The following PICALM variants were observed in gnomAD, a reference collection of about 807,000 sequenced individuals.
The protein encoded by PICALM is phosphatidylinositol binding clathrin assembly protein, also known as phosphatidylinositol-binding clathrin assembly protein.
In PICALM, 40 loss-of-function variants were observed where a neutral mutation model predicts 80.5. The ratio of observed to expected loss-of-function variants is 0.50; its 90% CI spans 0.39 to 0.65. The LOEUF (loss-of-function observed/expected upper bound fraction) is 0.65. Among genes scored for constraint, PICALM ranks in the 30% least tolerant of loss-of-function variants. The probability of loss-of-function intolerance (pLI) is 0.00; values close to 1 mark genes in which losing one functional copy is unlikely to be tolerated. For synonymous variants in PICALM, 288 were observed against 260.3 expected (o/e 1.11, Z -1.02); for missense variants, 676 against 778.9 (o/e 0.87, Z 1.57).
intron 4 of PICALM, among the ~76,000 whole-genome samples, chr11:86,021,590 C>T (rs980328184): frequency 2.7e-5 from 4 of 150,700 alleles, no homozygotes; most frequent in East Asian, 1.9e-4. Flanking sequence ...CTGGTGGGAA[C>T]GTAAAGTGAT....
chr11:85,988,139 C>T (rs542547661), intron 13 of PICALM, among the ~76,000 whole-genome samples: 31 of 152,336 alleles, frequency 2.0e-4, no homozygotes, highest in African/African-American at 6.5e-4. Context: ...AAAATATCAG[C>T]TGGACTTTTG....
chr11:86,011,193 A>AG, intron 6 of PICALM, 57 bp from the exon 7 acceptor site: 1 of 734,190 alleles, frequency 1.4e-6, no homozygotes, highest in Non-Finnish European at 2.3e-6. Context: ...CACCCAAAAA[A>AG]GGAAAAAAAA....
chr11:86,049,160 G>A (rs1438083954), intron 1 of PICALM, among the ~76,000 whole-genome samples: 1 of 152,050 alleles, frequency 6.6e-6, no homozygotes, highest in African/African-American at 2.4e-5. Context: ...AGGCACGGTG[G>A]GTGCACACCT....
At chr11:86,057,929 A>C (rs911775688) in intron 1 of PICALM, among the ~76,000 whole-genome samples, 1 of 152,156 alleles carries the variant, frequency 6.6e-6, no homozygotes, top group Non-Finnish European at 1.5e-5. Flanking sequence ...TAGATACTGA[A>C]GGACAACCGC....
intron 7 of PICALM, among the ~76,000 whole-genome samples, chr11:86,010,333 T>C (rs2095370298): frequency 6.6e-6 from 1 of 151,810 alleles, no homozygotes; most frequent in Admixed American, 6.6e-5. Context: ...CAAAAGCTTT[T>C]TTTTTTTTTT....
At chr11:85,961,026 C>A (rs2093670080) in intron 19 of PICALM, among the ~76,000 whole-genome samples, 1 of 124,662 alleles carries the variant, frequency 8.0e-6, no homozygotes, top group South Asian at 2.6e-4. Flanking sequence ...GGAATAATGT[C>A]TTTTACCCAA....
At chr11:86,061,896 G>T (rs539372587) in intron 1 of PICALM, among the ~76,000 whole-genome samples, 1 of 151,824 alleles carries the variant, frequency 6.6e-6, no homozygotes, top group African/African-American at 2.4e-5. Context: ...ATAAACCCGG[G>T]TATATCCAGA....
At chr11:85,986,793 C>T (rs1034790647) in intron 13 of PICALM, among the ~76,000 whole-genome samples, 4 of 152,196 alleles carry the variant, frequency 2.6e-5, no homozygotes, top group African/African-American at 4.8e-5. Flanking sequence ...CACACATACA[C>T]GCGTGCGCAC....
rs746761338 is a variant in PICALM, at chr11:86,012,251, G to A, written c.658+30C>T. The A allele has an allele frequency of 5.7e-6, 7 of 1,221,358 alleles. No individual in the cohort carries two copies. The African/African-American group carries it at 7.5e-5, about 13-fold the overall frequency. 75.7% of individuals were successfully genotyped at this position (1,221,358 alleles called of 1,614,324 possible). A position where few individuals can be genotyped will look rare whatever the true frequency, so the allele number is the denominator to read the frequency against. ...TGTTTATCCATATGACACAAGATAA[G>A]AAATGTTATTAGGCTACAGCAGTAT... On this transcript the variant is annotated intron_variant, in intron 6 of 19. Transcript: ENST00000393346.
chr11:85,985,254 A>C lies in PICALM; in HGVS notation c.1409-1281T>G, dbSNP rs117823206. On this transcript the variant is annotated intron_variant, in intron 13 of 19. Coordinates refer to ENST00000393346, the MANE Select transcript of PICALM (RefSeq NM_007166.4). ...GTACTAGAGAGACTGATCTCAAAGA[A>C]AACTGTAAAAAGTAGGACAAGATTT... 5.8e-3 allele frequency among the ~76,000 whole-genome samples: 876 copies of C among 152,186 alleles called. 6 individuals are homozygous for C. The highest frequency in any genetic ancestry group is 9.9e-3 in the Non-Finnish European group (675 of 67,978).
Position 86,000,739 on chromosome 11 carries a change from G to T in PICALM, c.1058C>A (p.Ser353Tyr), listed in dbSNP as rs771541110. 6.2e-7 allele frequency: 1 copy of T among 1,613,032 alleles called. No individual in the cohort carries two copies. Among genetic ancestry groups the T allele is most frequent in the Non-Finnish European group, 8.5e-7 (1 of 1,179,800 alleles). Residue 353 changes from serine (S) to tyrosine (Y), a missense_variant, in exon 11 of 20, where the codon TCT (serine) becomes TAT (tyrosine). Around this residue, in one of 2 missense-constraint regions of PICALM, gnomAD observed 391 missense variants for 383.6 expected, o/e 1.02. Transcript: ENST00000393346. Reference protein sequence around the residue: ...LKELAKKPHTSLTTAASPVST... With the variant: ...LKELAKKPHTYLTTAASPVST... ...TACAGGAGAGGCTGCAGTTGTTAAA[G>T]AGGTATGAGGTTTCTTTGCAAGTTC...
At chr11:86,025,844 C>A (rs2095641647) in intron 3 of PICALM, among the ~76,000 whole-genome samples, 1 of 152,166 alleles carries the variant, frequency 6.6e-6, no homozygotes, top group Admixed American at 6.5e-5. Context: ...CAGGCATGAG[C>A]CACCGTACCC....
chr11:86,027,567 A>G lies in PICALM; in HGVS notation c.274-1200T>C, dbSNP rs118082779. On this transcript the variant is annotated intron_variant, in intron 2 of 19. Coordinates refer to ENST00000393346, the MANE Select transcript of PICALM (RefSeq NM_007166.4). Reference sequence around the variant, plus strand: ...GGCTGGAGTACAGTGGTGTGATCACAGCTTTCCACCCTCCTGCTCTCAAGC... The same window carrying G: ...GGCTGGAGTACAGTGGTGTGATCACGGCTTTCCACCCTCCTGCTCTCAAGC... 7.0e-3 allele frequency among the ~76,000 whole-genome samples: 1,016 copies of G among 144,862 alleles called. 35 individuals carry two copies. The highest frequency in any genetic ancestry group is 0.023 in the East Asian group (116 of 5,120).
chr11:85,961,627 C>T (rs192145681), intron 19 of PICALM, among the ~76,000 whole-genome samples: 3 of 152,280 alleles, frequency 2.0e-5, no homozygotes, highest in Non-Finnish European at 4.4e-5. Flanking sequence ...GTTTCAAACC[C>T]GACATGAACC....
intron 4 of PICALM, among the ~76,000 whole-genome samples, chr11:86,019,426 C>T (rs1046562228): frequency 6.6e-6 from 1 of 152,156 alleles, no homozygotes; most frequent in Non-Finnish European, 1.5e-5. Flanking sequence ...TATTTTCCTC[C>T]AATTAAAAAA....
chr11:86,005,477 G>A (rs183755205), intron 8 of PICALM, among the ~76,000 whole-genome samples: 13 of 152,164 alleles, frequency 8.5e-5, no homozygotes, highest in Non-Finnish European at 1.5e-4. Flanking sequence ...ATAGAGGTGA[G>A]ATGACTGCTT....
rs759140555 is a variant in PICALM, at chr11:86,007,629, T to C, written c.766-46A>G. The C allele has an allele frequency of 3.5e-5, 31 of 894,762 alleles. 2 individuals carry two copies. In the South Asian group the frequency reaches 6.9e-4, roughly 20 times the overall value. The allele number at this position is 894,762 out of a possible 1,614,324, so 55.4% of individuals were successfully genotyped here. A position where few individuals can be genotyped will look rare whatever the true frequency, so the allele number is the denominator to read the frequency against. ...TTAATAAATTATAATAAAAATATTT[T>C]ATAAATAAAATTTGGAAAAATGACA... On this transcript the variant is annotated intron_variant, in intron 7 of 19. Coordinates refer to ENST00000393346, the MANE Select transcript of PICALM (RefSeq NM_007166.4).
intron 2 of PICALM, among the ~76,000 whole-genome samples, chr11:86,029,298 C>T (rs1593105000): frequency 6.6e-6 from 1 of 152,156 alleles, no homozygotes; most frequent in Non-Finnish European, 1.5e-5. Context: ...CATGGTATTC[C>T]AATCACCACA....
At chr11:85,966,308 G>A (rs2093896260) in intron 19 of PICALM, among the ~76,000 whole-genome samples, 1 of 152,050 alleles carries the variant, frequency 6.6e-6, no homozygotes, top group African/African-American at 2.4e-5. Context: ...CTGGGCTCAA[G>A]TGATCCTTCC....
Sources: gnomAD v4.1 joint callset for allele counts (sites outside exome capture counted in the v4.1 genomes callset) on GRCh38, gnomAD v4.1.1 for gene constraint, gnomAD v4.1.1 regional missense constraint, MANE v1.5 for transcripts, NCBI Gene and HGNC (gene_info 2026-07-23, HGNC 2026-07-21) for gene names.